The following LPP variants were observed in gnomAD, a reference collection of about 807,000 sequenced individuals.
LPP encodes LIM domain containing preferred translocation partner in lipoma.
A neutral mutation model predicts 60.4 loss-of-function variants in LPP; 38 were observed. That is an observed-to-expected ratio of 0.63 (90% CI 0.49 to 0.83). The LOEUF (loss-of-function observed/expected upper bound fraction) is 0.83. Among genes scored for constraint, LPP ranks in the 40% least tolerant of loss-of-function variants. LPP has a pLI of 0.00. For missense variants in LPP, 902 were observed against 783.6 expected (o/e 1.15, Z -1.80); for synonymous variants, 328 against 290.8 (o/e 1.13, Z -1.30).
intron 2 of LPP, among the ~76,000 whole-genome samples, chr3:188,256,261 C>T (rs531910285): frequency 5.8e-4 from 88 of 152,080 alleles, no homozygotes; most frequent in African/African-American, 2.1e-3. Context: ...ATTAATTAAA[C>T]CTTAGTTAAT....
intron 7 of LPP, among the ~76,000 whole-genome samples, chr3:188,658,687 A>T (rs1262291770): frequency 1.3e-5 from 2 of 152,192 alleles, no homozygotes; most frequent in East Asian, 3.8e-4. Flanking sequence ...TAAATGTTTG[A>T]CTGTTTAGAG....
intron 2 of LPP, among the ~76,000 whole-genome samples, chr3:188,311,351 C>T (rs555271066): frequency 1.3e-5 from 2 of 152,114 alleles, no homozygotes; most frequent in South Asian, 4.2e-4. Context: ...TGATGGTGTA[C>T]ACCTGTAGTC....
intron 2 of LPP, among the ~76,000 whole-genome samples, chr3:188,243,952 C>T (rs1380987849): frequency 1.3e-5 from 2 of 152,060 alleles, no homozygotes; most frequent in African/African-American, 4.8e-5. Flanking sequence ...CTCTGCTCAC[C>T]ACAACCTCCA....
At chr3:188,731,516 T>TTTGTTTTG (rs1553817763) in intron 8 of LPP, among the ~76,000 whole-genome samples, 2 of 145,700 alleles carry the variant, frequency 1.4e-5, no homozygotes, top group African/African-American at 5.1e-5. Context: ...TTTTTTGTTT[T>TTTGTTTTG]TTTTGTTTTG....
At chr3:188,551,519 A>G (rs1359314993) in intron 6 of LPP, among the ~76,000 whole-genome samples, 2 of 152,188 alleles carry the variant, frequency 1.3e-5, no homozygotes, top group Non-Finnish European at 2.9e-5. Context: ...TCCAACTAAG[A>G]GATATAGGGA....
In LPP at chr3:188,843,786, C is replaced by CAAAAAAAAAAAAAAAAAAAAA. The variant is rs544161994; in HGVS notation, c.1411-22402_1411-22401insAAAAAAAAAAAAAAAAAAAAA. On this transcript the variant is annotated intron_variant, in intron 9 of 11. Transcript: ENST00000617246. ...TGGGCGACAGAGCAAGACTCCGTCT[C>CAAAAAAAAAAAAAAAAAAAAA]AAAAAAAAAAAATCCTTCCTCTGGG... 7.0e-4 allele frequency among the ~76,000 whole-genome samples: 53 copies of CAAAAAAAAAAAAAAAAAAAAA among 75,682 alleles called. 6 individuals carry two copies. The highest frequency in any genetic ancestry group is 1.3e-3 in the African/African-American group (27 of 20,470). 49.7% of individuals were successfully genotyped at this position (75,682 alleles called of 152,430 possible). A position where few individuals can be genotyped will look rare whatever the true frequency, so the allele number is the denominator to read the frequency against.
intron 2 of LPP, among the ~76,000 whole-genome samples, chr3:188,337,568 T>G (rs978446648): frequency 2.0e-5 from 3 of 152,270 alleles, no homozygotes; most frequent in Non-Finnish European, 4.4e-5. Context: ...GTGGTCATTC[T>G]GAGTTTCTTG....
chr3:188,576,024 C>T (rs1288108573), intron 6 of LPP, among the ~76,000 whole-genome samples: 3 of 152,150 alleles, frequency 2.0e-5, no homozygotes, highest in Non-Finnish European at 4.4e-5. Context: ...ATACTTTCCA[C>T]CCCCAAGCAC....
intron 9 of LPP, among the ~76,000 whole-genome samples, chr3:188,828,861 A>G (rs987844538): frequency 1.3e-5 from 2 of 152,074 alleles, no homozygotes; most frequent in Non-Finnish European, 2.9e-5. Context: ...AATATTATAT[A>G]TTGTGTTTTA....
chr3:188,485,894 G>T (rs1806361249), intron 5 of LPP, among the ~76,000 whole-genome samples: 3 of 151,584 alleles, frequency 2.0e-5, no homozygotes, highest in Non-Finnish European at 2.9e-5. Flanking sequence ...AATAGGGTTG[G>T]TTATGATTTG....
chr3:188,788,445 C>T (rs1409694002), intron 9 of LPP, among the ~76,000 whole-genome samples: 1 of 152,230 alleles, frequency 6.6e-6, no homozygotes, highest in Non-Finnish European at 1.5e-5. Context: ...TCACTTTTCC[C>T]TCAAGTATGT....
intron 6 of LPP, among the ~76,000 whole-genome samples, chr3:188,603,093 A>G (rs1316731991): frequency 6.6e-6 from 1 of 151,266 alleles, no homozygotes; most frequent in Non-Finnish European, 1.5e-5. Flanking sequence ...CAGAAGAGTA[A>G]TATTGGATTT....
chr3:188,396,221 T>C (rs903994951), intron 3 of LPP, among the ~76,000 whole-genome samples: 6 of 152,202 alleles, frequency 3.9e-5, no homozygotes, highest in African/African-American at 1.4e-4. Context: ...CTCATATTCA[T>C]TGAAGGAAAA....
chr3:188,451,034 CTCTG>C (rs1322998908), intron 4 of LPP, among the ~76,000 whole-genome samples: 1 of 151,930 alleles, frequency 6.6e-6, no homozygotes, highest in Non-Finnish European at 1.5e-5. Context: ...TTTCACTAGG[CTCTG>C]TGTTTTTTGT....
At chr3:188,203,410 A>ATG (rs1491573955) in intron 1 of LPP, among the ~76,000 whole-genome samples, 1 of 52,016 alleles carries the variant, frequency 1.9e-5, no homozygotes, top group Non-Finnish European at 3.9e-5. Context: ...ATTTTTATAA[A>ATG]TATATATATA....
intron 7 of LPP, among the ~76,000 whole-genome samples, chr3:188,627,682 AC>A (rs1383515967): frequency 6.6e-6 from 1 of 152,078 alleles, no homozygotes; most frequent in Admixed American, 6.6e-5. Flanking sequence ...GGAGACTTGA[AC>A]ACTCCACTGA....
intron 9 of LPP, among the ~76,000 whole-genome samples, chr3:188,819,817 T>C (rs904013238): frequency 1.3e-5 from 2 of 152,188 alleles, no homozygotes; most frequent in African/African-American, 4.8e-5. Context: ...TGAGGGGGTC[T>C]TTGAATGGCA....
chr3:188,293,407 T>A (rs1489549659), intron 2 of LPP, among the ~76,000 whole-genome samples: 1 of 152,244 alleles, frequency 6.6e-6, no homozygotes, highest in Non-Finnish European at 1.5e-5. Flanking sequence ...ACAATAAACT[T>A]ACCATCTTGA....
At chr3:188,195,295 A>G (rs1577222097) in intron 1 of LPP, among the ~76,000 whole-genome samples, 1 of 152,262 alleles carries the variant, frequency 6.6e-6, no homozygotes, top group African/African-American at 2.4e-5. Context: ...AGGCTGACGA[A>G]ATTTGTGATT....
Sources: gnomAD v4.1 joint callset for allele counts (sites outside exome capture counted in the v4.1 genomes callset) on GRCh38, gnomAD v4.1.1 for gene constraint, MANE v1.5 for transcripts, NCBI Gene and HGNC (gene_info 2026-07-23, HGNC 2026-07-21) for gene names.